ASIC5: variants seen among roughly 807,000 people sequenced by gnomAD.
ASIC5 encodes the protein bile acid-sensitive ion channel.
ASIC5 carries 52 observed loss-of-function variants against 51.2 expected under a neutral mutation model. That is an observed-to-expected ratio of 1.02 (90% CI 0.81 to 1.28). The LOEUF (loss-of-function observed/expected upper bound fraction) is 1.28, where lower values mean the gene tolerates loss of function less well. Among genes scored for constraint, ASIC5 ranks in the 50% most tolerant of loss-of-function variants. The probability of loss-of-function intolerance (pLI) is 0.00; values close to 1 mark genes in which losing one functional copy is unlikely to be tolerated. For missense variants in ASIC5, 635 were observed against 595.0 expected, an observed-to-expected ratio of 1.07 and a Z score of -0.70; for synonymous variants, 231 against 200.7, an observed-to-expected ratio of 1.15 and a Z score of -1.28.
chr4:155,829,783 G>A lies in ASIC5; in HGVS notation c.*73C>T, dbSNP rs1740832198. 1.1e-6 allele frequency: 1 copy of A among 931,234 alleles called. No individual in the cohort carries two copies. The highest frequency in any genetic ancestry group is 1.7e-5 in the African/African-American group (1 of 58,928). The allele number at this position is 931,234 out of a possible 1,614,324, so 57.7% of individuals were successfully genotyped here. ...CGAACTCTCAAAACTATAGAAAAGT[G>A]ACGTAACAATGAATTAGTCAAGATA... On this transcript the variant is annotated 3_prime_UTR_variant, in exon 10 of 10. Coordinates refer to ENST00000537611, the MANE Select transcript of ASIC5 (RefSeq NM_017419.3).
At chr4:155,830,421 T>C (rs966349830) in intron 9 of ASIC5, among the ~76,000 whole-genome samples, 23 of 152,172 alleles carry the variant, frequency 1.5e-4, no homozygotes, top group Admixed American at 1.4e-3. Context: ...GATGATGTTT[T>C]CCAGAAAATT....
chr4:155,844,233 G>C (rs373826908), intron 4 of ASIC5, among the ~76,000 whole-genome samples: 414 of 152,034 alleles, frequency 2.7e-3, no homozygotes, highest in South Asian at 8.1e-3. Flanking sequence ...TGAACTCCAG[G>C]AACTCTTTCC....
chr4:155,836,212 C>T (rs937435020), intron 8 of ASIC5, among the ~76,000 whole-genome samples: 1 of 152,178 alleles, frequency 6.6e-6, no homozygotes, highest in East Asian at 1.9e-4. Flanking sequence ...CGTCAAAGTT[C>T]TTGGGCATAA....
chr4:155,841,700 G>C (rs530947244), intron 6 of ASIC5, among the ~76,000 whole-genome samples: 1 of 152,244 alleles, frequency 6.6e-6, no homozygotes, highest in East Asian at 1.9e-4. Flanking sequence ...TCAAAATTAA[G>C]AAAATCTTGG....
rs752632438 is a variant in ASIC5 at position 155,843,691 on chromosome 4, C to A, written c.851G>T (p.Arg284Leu). 1.2e-6 allele frequency: 2 copies of A among 1,613,298 alleles called. No homozygotes were observed. Among genetic ancestry groups the A allele is most frequent in the East Asian group, 2.2e-5 (1 of 44,850 alleles). ...PVGMHARVTIRQVKTVHQEYP... is the reference protein window; with the variant it reads ...PVGMHARVTILQVKTVHQEYP... ...GACTCGAGTATTTACCTTCACTTGG[C>A]GGATGGTTACCCTTGCGTGCATTCC... The change falls in exon 5 of 10, where the codon CGC becomes CTC. Residue 284 changes from arginine to leucine, a missense_variant. Physicochemically the swap from Arg to Leu is moderately radical, Grantham distance 102. Transcript: ENST00000537611.
At chr4:155,837,677 G>A (rs1054816456) in intron 7 of ASIC5, among the ~76,000 whole-genome samples, 1 of 152,054 alleles carries the variant, frequency 6.6e-6, no homozygotes, top group Non-Finnish European at 1.5e-5. Flanking sequence ...TCTAGGAGAA[G>A]TCAAAGCATG....
chr4:155,860,760 T>C (rs1414481873), intron 2 of ASIC5, among the ~76,000 whole-genome samples: 2 of 151,928 alleles, frequency 1.3e-5, no homozygotes, highest in African/African-American at 4.8e-5. Context: ...ACACAAAAGC[T>C]GTAATCATTG....
At chr4:155,854,384 C>T in intron 2 of ASIC5, 70 bp from the exon 3 acceptor site, 1 of 1,073,832 alleles carries the variant, frequency 9.3e-7, no homozygotes. Context: ...CAGATACCAA[C>T]ATCTAGATTC....
intron 9 of ASIC5, among the ~76,000 whole-genome samples, chr4:155,831,547 G>A (rs571994532): frequency 8.5e-5 from 13 of 152,226 alleles, no homozygotes; most frequent in Non-Finnish European, 1.3e-4. Context: ...CAATGTGGGC[G>A]GATCACGGGG....
chr4:155,852,193 G>C lies in ASIC5; in HGVS notation c.709C>G (p.Gln237Glu), dbSNP rs761802677. The change falls in exon 4 of 10, where the codon CAG becomes GAG. Residue 237 changes from glutamine (Q) to glutamate (E), a missense_variant and splice_region_variant. Transcript: ENST00000537611. Reference protein sequence around the residue: ...RGLSLLFNVNQEAFTDNPALG... With the variant: ...RGLSLLFNVNEEAFTDNPALG... ...TGAACCTGGAGAAAATTCAGTACCT[G>C]ATTCACATTGAAGAGTAAGCTCAAA... The C allele has an allele frequency of 1.2e-6, 2 of 1,611,750 alleles. No homozygotes were observed. Among genetic ancestry groups the C allele is most frequent in the East Asian group, 2.2e-5 (1 of 44,748 alleles).
rs1740990463 is a variant in ASIC5, at chr4:155,836,760, A to G, written c.1164T>C (p.Tyr388=). The G allele has an allele frequency of 1.9e-6, 3 of 1,610,210 alleles. No individual in the cohort carries two copies. Among genetic ancestry groups the G allele is most frequent in the Non-Finnish European group, 2.5e-6 (3 of 1,176,670 alleles). The change falls in exon 8 of 10, where the codon TAT becomes TAC. Residue 388 remains tyrosine (Y), a synonymous_variant. Transcript: ENST00000537611. ...EEIEYPATIS[Y]SSFPSQKALK... ...AAGCTTTTTGACTTGGAAAAGAGGA[A>G]TAAGAAATAGTGGCCGGGTATTCTA...
intron 1 of ASIC5, chr4:155,864,896 C>T (rs1411061978): frequency 1.3e-5 from 2 of 152,002 alleles, no homozygotes; most frequent in African/African-American, 4.8e-5. Flanking sequence ...TATATATGTT[C>T]ATAATTAGGT....
At chr4:155,864,636 C>T (rs1190151010) in intron 1 of ASIC5, 1 of 152,090 alleles carries the variant, frequency 6.6e-6, no homozygotes, top group African/African-American at 2.4e-5. Flanking sequence ...ACAACTTTAG[C>T]CAAGTTTCTT....
intron 5 of ASIC5, among the ~76,000 whole-genome samples, chr4:155,843,032 G>C (rs1741156655): frequency 6.6e-6 from 1 of 152,002 alleles, no homozygotes; most frequent in Non-Finnish European, 1.5e-5. Context: ...ATGTGCAGGT[G>C]GGCATTTTTC....
At chr4:155,843,628 T>C in intron 5 of ASIC5, 53 bp downstream of exon 5, 5 of 1,578,730 alleles carry the variant, frequency 3.2e-6, no homozygotes, top group Admixed American at 1.7e-5. Flanking sequence ...GCATTACTTA[T>C]GTGTTTGATG....
chr4:155,856,369 T>G (rs1741539961), intron 2 of ASIC5, among the ~76,000 whole-genome samples: 1 of 152,086 alleles, frequency 6.6e-6, no homozygotes, highest in Admixed American at 6.6e-5. Context: ...TCAGTCAAGG[T>G]AGGGCATACA....
rs373457838 is a variant in ASIC5 at position 155,831,931 on chromosome 4, A to G, written c.1236-16T>C. 4.0e-5 allele frequency: 53 copies of G among 1,319,824 alleles called. No homozygotes were observed. The highest frequency in any genetic ancestry group is 5.2e-5 in the Non-Finnish European group (48 of 919,574). 81.8% of individuals were successfully genotyped at this position (1,319,824 alleles called of 1,614,324 possible). A position where few individuals can be genotyped will look rare whatever the true frequency, so the allele number is the denominator to read the frequency against. On this transcript the variant is annotated splice_polypyrimidine_tract_variant and intron_variant, in intron 8 of 9. Coordinates refer to ENST00000537611, the MANE Select transcript of ASIC5 (RefSeq NM_017419.3). ...AAGATTCTCCCTAGGGATAAAAAAG[A>G]GAGTTAATATAGCTTAAGATTGTCA...
At chr4:155,842,845 T>C (rs1461215306) in intron 5 of ASIC5, among the ~76,000 whole-genome samples, 1 of 151,666 alleles carries the variant, frequency 6.6e-6, no homozygotes, top group Non-Finnish European at 1.5e-5. Flanking sequence ...GAAAATGGAA[T>C]TTATTGGGTG....
chr4:155,834,704 A>T (rs936588767), intron 8 of ASIC5, among the ~76,000 whole-genome samples: 14 of 152,246 alleles, frequency 9.2e-5, no homozygotes, highest in African/African-American at 3.4e-4. Context: ...GCCCTAAATG[A>T]GAACAGGCAT....
Sources: allele counts gnomAD v4.1 joint callset (sites outside exome capture counted in the v4.1 genomes callset), GRCh38; gene constraint gnomAD v4.1.1; transcripts MANE v1.5; gene names NCBI Gene and HGNC (gene_info 2026-07-23, HGNC 2026-07-21).